The following PDE11A variants were observed in gnomAD, a reference collection of about 807,000 sequenced individuals.
The protein encoded by PDE11A is dual 3',5'-cyclic-AMP and -GMP phosphodiesterase 11A.
A neutral mutation model predicts 100.5 loss-of-function variants in PDE11A; 100 were observed. That is an observed-to-expected ratio of 1.00 (90% CI 0.85 to 1.18). PDE11A has a LOEUF of 1.18. Ranked by LOEUF, PDE11A falls within the 50% of genes most tolerant of loss-of-function variation. PDE11A has a pLI of 0.00. For synonymous variants in PDE11A, 381 were observed against 420.8 expected (o/e 0.91, Z 1.16); for missense variants, 1,141 against 1,152.6 (o/e 0.99, Z 0.15).
chr2:177,868,154 T>C (rs905084232), intron 5 of PDE11A, among the ~76,000 whole-genome samples: 1 of 152,106 alleles, frequency 6.6e-6, no homozygotes, highest in African/African-American at 2.4e-5. Context: ...TAAAAGTCAA[T>C]AAGGCATTGA....
chr2:177,794,722 C>A (rs895676111), intron 9 of PDE11A, among the ~76,000 whole-genome samples: 3 of 152,142 alleles, frequency 2.0e-5, no homozygotes, highest in Non-Finnish European at 4.4e-5. Flanking sequence ...CCCCCCAACA[C>A]ACCCGACAAA....
At chr2:177,937,927 C>T (rs980892438) in intron 2 of PDE11A, among the ~76,000 whole-genome samples, 2 of 152,036 alleles carry the variant, frequency 1.3e-5, no homozygotes, top group African/African-American at 4.8e-5. Context: ...ACACTAGGTG[C>T]AATGCAAAAG....
intron 6 of PDE11A, among the ~76,000 whole-genome samples, chr2:177,826,551 C>T (rs182926225): frequency 6.6e-6 from 1 of 152,202 alleles, no homozygotes; most frequent in Non-Finnish European, 1.5e-5. Context: ...CTTACCTGCA[C>T]ATAGGATAAA....
chr2:177,739,703 G>GA (rs1418114587), intron 10 of PDE11A, among the ~76,000 whole-genome samples: 1 of 152,176 alleles, frequency 6.6e-6, no homozygotes, highest in African/African-American at 2.4e-5. Flanking sequence ...TCTTCTTAAA[G>GA]AAAAACAGAC....
At chr2:177,929,538 G>T (rs946399490) in intron 2 of PDE11A, among the ~76,000 whole-genome samples, 1 of 152,136 alleles carries the variant, frequency 6.6e-6, no homozygotes, top group African/African-American at 2.4e-5. Context: ...TCCGTACAAG[G>T]ACAAGACTCT....
At chr2:177,740,268 T>G (rs1045230909) in intron 10 of PDE11A, among the ~76,000 whole-genome samples, 3 of 152,170 alleles carry the variant, frequency 2.0e-5, no homozygotes, top group African/African-American at 4.8e-5. Flanking sequence ...CAAAGGTCAG[T>G]GAAGATATTC....
intron 13 of PDE11A, chr2:177,702,558 T>C (rs1336957012): frequency 6.6e-6 from 1 of 152,212 alleles, no homozygotes; most frequent in Non-Finnish European, 1.5e-5. Context: ...ATACAATCTG[T>C]CCTGCTAGTG....
chr2:177,743,047 G>A (rs141448352), intron 10 of PDE11A, among the ~76,000 whole-genome samples: 84 of 152,256 alleles, frequency 5.5e-4, no homozygotes, highest in African/African-American at 1.8e-3. Context: ...TTCTGAATTC[G>A]CCTCCTGCTT....
At chr2:177,742,132 G>A (rs901540353) in intron 10 of PDE11A, among the ~76,000 whole-genome samples, 1 of 152,014 alleles carries the variant, frequency 6.6e-6, no homozygotes, top group African/African-American at 2.4e-5. Flanking sequence ...AGACCCTCTT[G>A]TGAAGAGCTG....
intron 2 of PDE11A, among the ~76,000 whole-genome samples, chr2:178,101,261 T>C (rs941556098): frequency 2.6e-5 from 4 of 152,324 alleles, no homozygotes; most frequent in East Asian, 3.9e-4. Flanking sequence ...CAATTATAGT[T>C]GTATTATAAA....
chr2:177,786,337 A>C (rs1394572827), intron 9 of PDE11A, among the ~76,000 whole-genome samples: 1 of 152,276 alleles, frequency 6.6e-6, no homozygotes, highest in South Asian at 2.1e-4. Context: ...CCTGTCTGTT[A>C]GAAGGAAAAC....
At chr2:177,900,637 A>T (rs2105730541) in intron 3 of PDE11A, among the ~76,000 whole-genome samples, 1 of 152,312 alleles carries the variant, frequency 6.6e-6, no homozygotes, top group Non-Finnish European at 1.5e-5. Flanking sequence ...GCATGCCTGT[A>T]GTCCCAGCTA....
At chr2:177,888,970 T>G (rs1300065252) in intron 4 of PDE11A, among the ~76,000 whole-genome samples, 4 of 152,218 alleles carry the variant, frequency 2.6e-5, no homozygotes, top group Non-Finnish European at 5.9e-5. Context: ...TTAGCCTTAC[T>G]TCGATATTTA....
At chr2:177,676,965 T>A (rs1293727713) in intron 16 of PDE11A, among the ~76,000 whole-genome samples, 1 of 152,200 alleles carries the variant, frequency 6.6e-6, no homozygotes, top group Non-Finnish European at 1.5e-5. Flanking sequence ...AGCTACCAGA[T>A]GCCCTCTTAC....
intron 6 of PDE11A, among the ~76,000 whole-genome samples, chr2:177,820,959 G>T (rs1245763157): frequency 6.6e-6 from 1 of 151,804 alleles, no homozygotes; most frequent in East Asian, 1.9e-4. Flanking sequence ...ATATTTGAAT[G>T]GTTAGAGAGA....
chr2:177,850,750 G>A (rs1223515977), intron 5 of PDE11A, among the ~76,000 whole-genome samples: 1 of 152,118 alleles, frequency 6.6e-6, no homozygotes, highest in African/African-American at 2.4e-5. Context: ...CTTCTCAAAG[G>A]AAGAAATTTA....
At chr2:178,026,659 T>TGAAA (rs2086482403) in intron 1 of PDE11A, among the ~76,000 whole-genome samples, 1 of 139,346 alleles carries the variant, frequency 7.2e-6, no homozygotes, top group African/African-American at 2.8e-5. Flanking sequence ...AGACTCTGTC[T>TGAAA]CAAAAAAAAA....
intron 10 of PDE11A, among the ~76,000 whole-genome samples, chr2:177,764,048 G>A (rs1368170501): frequency 6.6e-6 from 1 of 152,184 alleles, no homozygotes; most frequent in Admixed American, 6.5e-5. Context: ...ATGGATTAAA[G>A]TGTCTTATCA....
At chr2:177,949,987 T>C (rs190481814) in intron 2 of PDE11A, among the ~76,000 whole-genome samples, 5 of 151,402 alleles carry the variant, frequency 3.3e-5, no homozygotes, top group Admixed American at 3.3e-4. Context: ...TAATGCTCTT[T>C]GTTGAGAACA....
Sources: gnomAD v4.1 joint callset for allele counts (sites outside exome capture counted in the v4.1 genomes callset) on GRCh38, gnomAD v4.1.1 for gene constraint, MANE v1.5 for transcripts, NCBI Gene and HGNC (gene_info 2026-07-23, HGNC 2026-07-21) for gene names.